EPS8L3: variants seen among roughly 807,000 people sequenced by gnomAD.
EPS8L3 encodes EPS8 signaling adaptor L3.
Under a neutral mutation model 88.5 loss-of-function variants are expected in EPS8L3, and 80 were observed. That is an observed-to-expected ratio of 0.90 (90% CI 0.75 to 1.09). The LOEUF (loss-of-function observed/expected upper bound fraction) is 1.09. Among genes scored for constraint, EPS8L3 ranks in the 50% least tolerant of loss-of-function variants. EPS8L3 has a pLI of 0.00. For missense variants in EPS8L3, 721 were observed against 735.2 expected (o/e 0.98, Z 0.22); for synonymous variants, 286 against 291.0 (o/e 0.98, Z 0.18).
Position 109,761,551 on chromosome 1 carries a change from T to G in EPS8L3, c.40A>C (p.Lys14Gln). The G allele has an allele frequency of 6.2e-7, 1 of 1,613,642 alleles. No individual in the cohort carries two copies. The highest frequency in any genetic ancestry group is 8.5e-7 in the Non-Finnish European group (1 of 1,179,818). ...PSSRAIYLHR[K>Q]EYSQNLTSEP... ...GAGGTGAGGTTCTGGGAGTACTCCT[T>G]CCGGTGCACTACAAGGGCACAGAGC... Residue 14 changes from lysine (K) to glutamine (Q), a missense_variant, in exon 3 of 19, where the codon AAG (lysine) becomes CAG (glutamine). Physicochemically the swap from Lys to Gln is moderately conservative, Grantham distance 53. Transcript: ENST00000361965.
In EPS8L3 at chr1:109,759,448, TC is replaced by T; in HGVS notation, c.256-62del. 4.4e-6 allele frequency: 7 copies of T among 1,590,434 alleles called. No homozygotes were observed. The highest frequency in any genetic ancestry group is 6.0e-6 in the Non-Finnish European group (7 of 1,168,536). ...AGAGCTAGGTGTGGCTTCTGGGAGC[TC>T]CTGACCAGCTCATCCTAGCCCTTTG... On this transcript the variant is annotated intron_variant, in intron 4 of 18. Coordinates refer to ENST00000361965, the MANE Select transcript of EPS8L3 (RefSeq NM_133181.4). The surrounding 1 kb of genome is among the most constrained non-coding windows in gnomAD (Gnocchi z 4.2).
chr1:109,752,109 G>A lies in EPS8L3; in HGVS notation c.1320C>T (p.Asn440=). The A allele has an allele frequency of 6.2e-7, 1 of 1,614,136 alleles. No homozygotes were observed. Among genetic ancestry groups the A allele is most frequent in the Non-Finnish European group, 8.5e-7 (1 of 1,180,012 alleles). Residue 440 remains asparagine, a synonymous_variant, in exon 15 of 19, where the codon AAC becomes AAT. Coordinates refer to ENST00000361965, the MANE Select transcript of EPS8L3 (RefSeq NM_133181.4). The part of the protein sequence containing the change: ...HNHDPQPGDP[N]SRPSSPKPAQ... ...CAGGTTTGGGGCTGGAGGGCCTGGAGTTGGGGTCCCCAGGCTGAGGGTCAT... is the reference window on the plus strand; with the variant it reads ...CAGGTTTGGGGCTGGAGGGCCTGGAATTGGGGTCCCCAGGCTGAGGGTCAT...
Position 109,759,358 on chromosome 1 carries a change from G to A in EPS8L3, c.285C>T (p.Ser95=), listed in dbSNP as rs1389588873. The change falls in exon 5 of 19, where the codon AGC becomes AGT. Residue 95 remains serine (S), a synonymous_variant. Transcript: ENST00000361965. This position sits in a 1 kb window ranked among gnomAD's most constrained non-coding sequence, Gnocchi z 4.2. ...TGAGCGCCACATTCATGGCCTGGATGCTGTCTAGGCGGTAAGAGTCCAGCT... is the reference window on the plus strand; with the variant it reads ...TGAGCGCCACATTCATGGCCTGGATACTGTCTAGGCGGTAAGAGTCCAGCT... ...KEELDSYRLD[S]IQAMNVALNT... 11 of 1,614,034 alleles carry A rather than the reference G, an allele frequency of 6.8e-6. No homozygotes were observed. The highest frequency in any genetic ancestry group is 9.3e-6 in the Non-Finnish European group (11 of 1,180,032).
In EPS8L3 at chr1:109,757,948, C is replaced by T. The variant is rs375728647; in HGVS notation, c.828G>A (p.Gln276=). The T allele has an allele frequency of 1.2e-6, 2 of 1,614,072 alleles. No individual in the cohort carries two copies. The highest frequency in any genetic ancestry group is 2.7e-5 in the African/African-American group (2 of 74,924). Residue 276 remains glutamine (Q), a synonymous_variant, in exon 9 of 19, where the codon CAG becomes CAA. Coordinates refer to ENST00000361965, the MANE Select transcript of EPS8L3 (RefSeq NM_133181.4). ...KKKFGKKNKD[Q]GGLTQAQYID... The stretch of plus-strand genomic sequence containing the variant: ...TCCCTGGCCCTCAGTACTCACCTCC[C>T]TGGTCCTTGTTTTTTTTCCCAAATT...
chr1:109,761,723 A>AT lies in EPS8L3; in HGVS notation c.26_27insA (p.Tyr10LeufsTer74). ...AGGGGCCTGCCAGGAGCTTACAGTAAATGGCTCTGCTGCTGGGCCTTGACA... is the reference window on the plus strand; with the variant it reads ...AGGGGCCTGCCAGGAGCTTACAGTAATATGGCTCTGCTGCTGGGCCTTGACA... On this transcript the variant is annotated frameshift_variant, in exon 2 of 19. Coordinates refer to ENST00000361965, the MANE Select transcript of EPS8L3 (RefSeq NM_133181.4). LOFTEE classifies it high-confidence loss of function. 1 of 1,613,876 alleles carries AT rather than the reference A, an allele frequency of 6.2e-7. No homozygotes were observed. The highest frequency in any genetic ancestry group is 2.2e-5 in the East Asian group (1 of 44,866).
Position 109,751,796 on chromosome 1 carries a change from C to T in EPS8L3, c.1435-14G>A, listed in dbSNP as rs1353062962. 6.2e-7 allele frequency: 1 copy of T among 1,612,724 alleles called. No individual in the cohort carries two copies. Among genetic ancestry groups the T allele is most frequent in the East Asian group, 2.2e-5 (1 of 44,870 alleles). On this transcript the variant is annotated splice_polypyrimidine_tract_variant and intron_variant, in intron 15 of 18. Coordinates refer to ENST00000361965, the MANE Select transcript of EPS8L3 (RefSeq NM_133181.4). ...GTGGTCCAGAACCTGCCAAGAGTCA[C>T]CACCTCAGTCCCCTGAGCCTCTTTC...
At chr1:109,752,581 A>C in intron 14 of EPS8L3, 105 bp downstream of exon 14, 1 of 1,081,740 alleles carries the variant, frequency 9.2e-7, no homozygotes, top group Non-Finnish European at 1.4e-6. Context: ...TGGCTAAAAG[A>C]GACCCTCTTG....
intron 2 of EPS8L3, 27 bp downstream of exon 2, chr1:109,761,691 AC>A: frequency 6.2e-7 from 1 of 1,613,592 alleles, no homozygotes. Flanking sequence ...GTGGGAGGGC[AC>A]GGGAGAGGGG....
chr1:109,758,630 G>T lies in EPS8L3; in HGVS notation c.495C>A (p.Asp165Glu). ...TTTCCATAGCAGGCCCCCTCCATCT[G>T]TCCTGGCCTGGCTGAAGGCCTCCAA... ...PRLGGLQPGQDRWRGPAMERP... is the reference protein window; with the variant it reads ...PRLGGLQPGQERWRGPAMERP... Residue 165 changes from aspartate (D) to glutamate (E), a missense_variant, in exon 7 of 19, where the codon GAC becomes GAA. Transcript: ENST00000361965. The T allele has an allele frequency of 6.2e-7, 1 of 1,604,494 alleles. No individual in the cohort carries two copies. The highest frequency in any genetic ancestry group is 8.5e-7 in the Non-Finnish European group (1 of 1,175,968).
rs1357586301 is a variant in EPS8L3 at position 109,758,621 on chromosome 1, C to T, written c.504G>A (p.Arg168=). ...GGAGCGGCCTTTCCATAGCAGGCCCCCTCCATCTGTCCTGGCCTGGCTGAA... is the reference window on the plus strand; with the variant it reads ...GGAGCGGCCTTTCCATAGCAGGCCCTCTCCATCTGTCCTGGCCTGGCTGAA... ...GGLQPGQDRW[R]GPAMERPLPM... Residue 168 remains arginine (R), a synonymous_variant, in exon 7 of 19, where the codon AGG becomes AGA. Coordinates refer to ENST00000361965, the MANE Select transcript of EPS8L3 (RefSeq NM_133181.4). 3.1e-6 allele frequency: 5 copies of T among 1,611,976 alleles called. No homozygotes were observed. In the Admixed American group the frequency reaches 6.7e-5, roughly 22 times the overall value.
chr1:109,753,216 G>C lies in EPS8L3; in HGVS notation c.1119-18C>G. 1 of 1,589,972 alleles carries C rather than the reference G, an allele frequency of 6.3e-7. No homozygotes were observed. Among genetic ancestry groups the C allele is most frequent in the Non-Finnish European group, 8.6e-7 (1 of 1,166,134 alleles). ...AGTCGGCCCTGAAGAGGGAAACAAA[G>C]CTGAGTTCACATCCACTCTGTGAAC... On this transcript the variant is annotated intron_variant, in intron 12 of 18. Transcript: ENST00000361965.
rs780995403 is a variant in EPS8L3, at chr1:109,753,207, G to T, written c.1119-9C>A. 2.9e-5 allele frequency: 46 copies of T among 1,598,138 alleles called. 1 individual carries two copies. The Middle Eastern group carries it at 8.3e-4, about 29-fold the overall frequency. On this transcript the variant is annotated splice_polypyrimidine_tract_variant and intron_variant, in intron 12 of 18. Coordinates refer to ENST00000361965, the MANE Select transcript of EPS8L3 (RefSeq NM_133181.4). ...CGCCTGTCCAGTCGGCCCTGAAGAG[G>T]GAAACAAAGCTGAGTTCACATCCAC... is the stretch of plus-strand genomic sequence containing the variant.
At chr1:109,757,668 AGAGGG>A in intron 10 of EPS8L3, 113 bp from the exon 11 acceptor site, 1 of 1,402,102 alleles carries the variant, frequency 7.1e-7, no homozygotes, top group Non-Finnish European at 1.0e-6. Flanking sequence ...AAAAGTCCCA[AGAGGG>A]GAGGGGAGGT....
In EPS8L3 at chr1:109,751,637, T is replaced by G; in HGVS notation, c.1563+17A>C. The G allele has an allele frequency of 6.2e-7, 1 of 1,613,958 alleles. No individual in the cohort carries two copies. The highest frequency in any genetic ancestry group is 8.5e-7 in the Non-Finnish European group (1 of 1,179,996). ...ACTCAAGACTTAGGGCTCTGGATAG[T>G]CCAGGCTGGGTAGTACCCGAGAGGG... On this transcript the variant is annotated intron_variant, in intron 16 of 18. Coordinates refer to ENST00000361965, the MANE Select transcript of EPS8L3 (RefSeq NM_133181.4).
chr1:109,762,826 C>G (rs980502162), intron 1 of EPS8L3, among the ~76,000 whole-genome samples: 1 of 152,210 alleles, frequency 6.6e-6, no homozygotes, highest in African/African-American at 2.4e-5. Context: ...CGATTGCAAG[C>G]TTCGTGTTTT....
At chr1:109,762,316 G>C (rs146407630) in intron 1 of EPS8L3, among the ~76,000 whole-genome samples, 1 of 152,018 alleles carries the variant, frequency 6.6e-6, no homozygotes. Flanking sequence ...TGCAGGACTC[G>C]CCAGTGAGCT....
Position 109,751,738 on chromosome 1 carries a change from C to A in EPS8L3, c.1479G>T (p.Ala493=), listed in dbSNP as rs747445008. Reference sequence around the variant, plus strand: ...TGCTTGGAATGTAGCCGCTCCGTCCCGCCTCATTCTTCACCAGCCACCACC... The same window carrying A: ...TGCTTGGAATGTAGCCGCTCCGTCCAGCCTCATTCTTCACCAGCCACCACC... ...SKRWWLVKNE[A]GRSGYIPSNI... is the part of the protein sequence containing the mutation. Residue 493 remains alanine (A), a synonymous_variant, in exon 16 of 19, where the codon GCG becomes GCT. Coordinates refer to ENST00000361965, the MANE Select transcript of EPS8L3 (RefSeq NM_133181.4). 6.2e-7 allele frequency: 1 copy of A among 1,613,784 alleles called. No individual in the cohort carries two copies. The highest frequency in any genetic ancestry group is 8.5e-7 in the Non-Finnish European group (1 of 1,179,982).
In EPS8L3 at chr1:109,752,033, G is replaced by A. The variant is rs1259701084; in HGVS notation, c.1396C>T (p.Pro466Ser). 2 of 1,613,446 alleles carry A rather than the reference G, an allele frequency of 1.2e-6. No individual in the cohort carries two copies. Among genetic ancestry groups the A allele is most frequent in the Non-Finnish European group, 1.7e-6 (2 of 1,179,614 alleles). The stretch of plus-strand genomic sequence containing the variant: ...CCCTGGACCACAGTCAGTTCCCGTG[G>A]GTTCCTAGCTTCAAACTCGTACAAG... ...QVLYEFEARN[P>S]RELTVVQGEK... is the part of the protein sequence containing the mutation. Residue 466 changes from proline (P) to serine (S), a missense_variant, in exon 15 of 19, where the codon CCA (proline) becomes TCA (serine). Coordinates refer to ENST00000361965, the MANE Select transcript of EPS8L3 (RefSeq NM_133181.4).
At chr1:109,751,010 G>T (rs778169462) in intron 17 of EPS8L3, among the ~76,000 whole-genome samples, 15 of 152,182 alleles carry the variant, frequency 9.9e-5, no homozygotes, top group Non-Finnish European at 1.9e-4. Context: ...GAATCTTCTG[G>T]CTGGGGAGGG....
Sources: allele counts gnomAD v4.1 joint callset (sites outside exome capture counted in the v4.1 genomes callset), GRCh38; gene constraint gnomAD v4.1.1; non-coding constraint Gnocchi (gnomAD v3.1); transcripts MANE v1.5; gene names NCBI Gene and HGNC (gene_info 2026-07-23, HGNC 2026-07-21).